Variants in ABCC4 observed in about 807,000 individuals in gnomAD.
The protein encoded by ABCC4 is ATP-binding cassette sub-family C member 4.
In ABCC4, 102 loss-of-function variants were observed where a neutral mutation model predicts 168.5. That is an observed-to-expected ratio of 0.61 (90% CI 0.52 to 0.71). The LOEUF (loss-of-function observed/expected upper bound fraction) is 0.71. Ranked by LOEUF, ABCC4 falls within the 30% of genes least tolerant of loss-of-function variation. The pLI, the probability that ABCC4 is intolerant of heterozygous loss-of-function variation, is 0.00. For missense variants in ABCC4, 1,402 were observed against 1,605.8 expected (o/e 0.87, Z 2.17); for synonymous variants, 617 against 590.7 (o/e 1.04, Z -0.65).
At chr13:95,259,586 G>A (rs2040477835) in intron 1 of ABCC4, among the ~76,000 whole-genome samples, 1 of 152,096 alleles carries the variant, frequency 6.6e-6, no homozygotes, top group Non-Finnish European at 1.5e-5. Flanking sequence ...AAAATTATCT[G>A]AGGCATTGCC....
chr13:95,176,417 C>A (rs183167354), intron 13 of ABCC4, among the ~76,000 whole-genome samples: 2 of 152,040 alleles, frequency 1.3e-5, no homozygotes, highest in African/African-American at 4.8e-5. Context: ...ATCTCTTGAA[C>A]CCAGGAGGTC....
At chr13:95,046,699 G>T (rs2032593946) in intron 27 of ABCC4, among the ~76,000 whole-genome samples, 1 of 152,004 alleles carries the variant, frequency 6.6e-6, no homozygotes, top group Non-Finnish European at 1.5e-5. Context: ...GGAGGCGGAG[G>T]TTGCAATAAG....
In ABCC4 at chr13:95,163,199, A is replaced by C; in HGVS notation, c.2231T>G (p.Met744Arg). Residue 744 changes from methionine (M) to arginine (R), a missense_variant, in exon 18 of 31, where the codon ATG becomes AGG. This residue lies in a region of ABCC4 where 1,007 missense variants were observed against 1,127.3 expected (regional missense o/e 0.89). Transcript: ENST00000645237. The stretch of plus-strand genomic sequence containing the variant: ...TCCTCCATTTACAGTGACATTTAGC[A>C]TACTTTGTTTGTTTGCCCTATGGAA... Reference protein sequence around the residue: ...WLSYWANKQSMLNVTVNGGGN... With the variant: ...WLSYWANKQSRLNVTVNGGGN... 3.7e-6 allele frequency: 6 copies of C among 1,612,688 alleles called. No individual in the cohort carries two copies. The highest frequency in any genetic ancestry group is 5.1e-6 in the Non-Finnish European group (6 of 1,179,082).
chr13:95,271,651 A>C (rs2040850000), intron 1 of ABCC4, among the ~76,000 whole-genome samples: 1 of 152,232 alleles, frequency 6.6e-6, no homozygotes, highest in East Asian at 1.9e-4. Context: ...CCTCAAGGAT[A>C]CGTTGAGACA....
At chr13:95,143,282 C>G (rs1346744803) in intron 19 of ABCC4, among the ~76,000 whole-genome samples, 2 of 152,102 alleles carry the variant, frequency 1.3e-5, no homozygotes, top group Non-Finnish European at 2.9e-5. Context: ...TGTGGTTCTT[C>G]TAACAGGAAC....
chr13:95,060,954 G>A (rs1470699479), intron 26 of ABCC4, among the ~76,000 whole-genome samples: 2 of 152,092 alleles, frequency 1.3e-5, no homozygotes, highest in Non-Finnish European at 2.9e-5. Flanking sequence ...GTGTCTCTGT[G>A]AATTTGACTA....
At chr13:95,132,904 G>C (rs564190642) in intron 19 of ABCC4, among the ~76,000 whole-genome samples, 4 of 152,062 alleles carry the variant, frequency 2.6e-5, no homozygotes, top group African/African-American at 7.2e-5. Context: ...TGAATGCCAG[G>C]GGGTGGAGAG....
chr13:95,061,683 A>C lies in ABCC4; in HGVS notation c.3366+1021T>G, dbSNP rs201035531. 1.1e-4 allele frequency among the ~76,000 whole-genome samples: 15 copies of C among 142,188 alleles called. No individual in the cohort carries two copies. The East Asian group carries it at 1.2e-3, about 12-fold the overall frequency. 93.3% of individuals were successfully genotyped at this position (142,188 alleles called of 152,430 possible). A position where few individuals can be genotyped will look rare whatever the true frequency, so the allele number is the denominator to read the frequency against. ...CTATAGAGTGTTAAAAAAAAAAAAA[A>C]CCCACATTAAAAGAAAACAAACAAA... On this transcript the variant is annotated intron_variant, in intron 26 of 30. Transcript: ENST00000645237.
chr13:95,104,141 T>C (rs2034914670), intron 20 of ABCC4, among the ~76,000 whole-genome samples: 1 of 152,176 alleles, frequency 6.6e-6, no homozygotes. Flanking sequence ...GTTGTTGAGA[T>C]GGAGTCTCTC....
At chr13:95,125,768 G>A (rs1245185803) in intron 19 of ABCC4, among the ~76,000 whole-genome samples, 2 of 152,210 alleles carry the variant, frequency 1.3e-5, no homozygotes, top group Non-Finnish European at 2.9e-5. Context: ...AGCTATGCAT[G>A]CTTTGCTACA....
chr13:95,081,052 G>A lies in ABCC4; in HGVS notation c.2686+2088C>T, dbSNP rs143349097. Reference sequence around the variant, plus strand: ...AAATAGTTCCAACCAACCAGCCCCCGTGGTTGGTGATCTGAGCGCATGGAG... The same window carrying A: ...AAATAGTTCCAACCAACCAGCCCCCATGGTTGGTGATCTGAGCGCATGGAG... On this transcript the variant is annotated intron_variant, in intron 21 of 30. Transcript: ENST00000645237. Among the ~76,000 whole-genome samples the A allele has an allele frequency of 3.6e-3, 537 of 147,282 alleles. 4 individuals carry two copies. The highest frequency in any genetic ancestry group is 0.012 in the African/African-American group (507 of 41,178).
At chr13:95,125,068 C>G (rs2139434670) in intron 19 of ABCC4, among the ~76,000 whole-genome samples, 1 of 152,078 alleles carries the variant, frequency 6.6e-6, no homozygotes, top group South Asian at 2.1e-4. Context: ...AACTATGACA[C>G]AGATACTGTT....
chr13:95,158,077 A>G (rs926537169), intron 19 of ABCC4, among the ~76,000 whole-genome samples: 1 of 151,710 alleles, frequency 6.6e-6, no homozygotes, highest in Non-Finnish European at 1.5e-5. Flanking sequence ...GTCTCAAAAA[A>G]AAAAAAAAAA....
intron 19 of ABCC4, among the ~76,000 whole-genome samples, chr13:95,148,545 A>T (rs2036569173): frequency 6.6e-6 from 1 of 151,346 alleles, no homozygotes; most frequent in Non-Finnish European, 1.5e-5. Flanking sequence ...TTGTGGTGGG[A>T]CAAGCTAACT....
chr13:95,154,390 C>G (rs933586904), intron 19 of ABCC4, among the ~76,000 whole-genome samples: 1 of 152,208 alleles, frequency 6.6e-6, no homozygotes, highest in Non-Finnish European at 1.5e-5. Flanking sequence ...TACATGAAAG[C>G]TGTCAGGACG....
At chr13:95,050,306 T>C (rs551976092) in intron 27 of ABCC4, among the ~76,000 whole-genome samples, 2 of 152,302 alleles carry the variant, frequency 1.3e-5, no homozygotes, top group African/African-American at 2.4e-5. Context: ...CATCAACTTG[T>C]AGTCATGAAA....
intron 26 of ABCC4, among the ~76,000 whole-genome samples, chr13:95,056,413 T>C (rs73557709): frequency 0.049 from 7,427 of 152,170 alleles, 610 homozygotes; most frequent in African/African-American, 0.17. Flanking sequence ...TCATCATCCA[T>C]TTTCAGAAGA....
Position 95,177,718 on chromosome 13 carries a change from G to C in ABCC4, c.1716C>G (p.His572Gln). 1 of 1,609,878 alleles carries C rather than the reference G, an allele frequency of 6.2e-7. No homozygotes were observed. The highest frequency in any genetic ancestry group is 8.5e-7 in the Non-Finnish European group (1 of 1,176,724). The change falls in exon 13 of 31, where the codon CAC becomes CAG. Residue 572 changes from histidine (H) to glutamine (Q), a missense_variant. This residue lies in a region of ABCC4 where 1,007 missense variants were observed against 1,127.3 expected (regional missense o/e 0.89). Transcript: ENST00000645237. ...ACAAACACACTCACAGTTCGAACAA[G>C]TGTCTGCTAACTTCCGCATCTACTG... Reference protein sequence around the residue: ...LSAVDAEVSRHLFELCICQIL... With the variant: ...LSAVDAEVSRQLFELCICQIL...
At chr13:95,127,479 T>A (rs778174710) in intron 19 of ABCC4, among the ~76,000 whole-genome samples, 5 of 152,062 alleles carry the variant, frequency 3.3e-5, no homozygotes, top group Non-Finnish European at 5.9e-5. Context: ...GGTTTCTCCA[T>A]GTTGGCCAGG....
Sources: allele counts gnomAD v4.1 joint callset (sites outside exome capture counted in the v4.1 genomes callset), GRCh38; gene constraint gnomAD v4.1.1; regional missense constraint gnomAD v4.1.1; transcripts MANE v1.5; gene names NCBI Gene and HGNC (gene_info 2026-07-23, HGNC 2026-07-21).